PTPRD: variants seen among roughly 807,000 people sequenced by gnomAD.
PTPRD encodes the protein receptor-type tyrosine-protein phosphatase delta.
PTPRD carries 34 observed loss-of-function variants against 214.5 expected under a neutral mutation model. That is an observed-to-expected ratio of 0.16 (90% CI 0.12 to 0.21). The LOEUF (loss-of-function observed/expected upper bound fraction) is 0.21. Ranked by LOEUF, PTPRD falls within the 10% of genes least tolerant of loss-of-function variation. The pLI, the probability that PTPRD is intolerant of heterozygous loss-of-function variation, is 1.00. For missense variants in PTPRD, 2,545 were observed against 2,398.7 expected (o/e 1.06, Z -1.27); for synonymous variants, 1,128 against 845.7 (o/e 1.33, Z -5.79).
At chr9:9,893,927 C>G (rs1273046788) in intron 5 of PTPRD, among the ~76,000 whole-genome samples, 1 of 152,032 alleles carries the variant, frequency 6.6e-6, no homozygotes, top group African/African-American at 2.4e-5. Flanking sequence ...ATCCTCCTGT[C>G]TCAACCTTTT....
At chr9:9,840,384 G>GT (rs1204842025) in intron 5 of PTPRD, among the ~76,000 whole-genome samples, 6 of 150,528 alleles carry the variant, frequency 4.0e-5, no homozygotes, top group African/African-American at 1.5e-4. Flanking sequence ...AATAGACTTT[G>GT]TTTTTTTCCA....
chr9:8,400,360 G>C (rs760652739), intron 36 of PTPRD, among the ~76,000 whole-genome samples: 6 of 152,132 alleles, frequency 3.9e-5, no homozygotes, highest in Non-Finnish European at 8.8e-5. Context: ...TTATCATTAG[G>C]TTTACATGTA....
chr9:9,423,958 G>C (rs1170964367), intron 8 of PTPRD, among the ~76,000 whole-genome samples: 2 of 152,162 alleles, frequency 1.3e-5, no homozygotes, highest in Admixed American at 1.3e-4. Context: ...ACCACTCCAA[G>C]ATTAAGGCAG....
intron 3 of PTPRD, among the ~76,000 whole-genome samples, chr9:10,277,578 A>C (rs13302599): frequency 6.6e-6 from 1 of 151,994 alleles, no homozygotes; most frequent in Non-Finnish European, 1.5e-5. Context: ...TGATATAGAA[A>C]ATTCAATAAA....
At chr9:9,648,014 T>C (rs1361130551) in intron 7 of PTPRD, among the ~76,000 whole-genome samples, 2 of 152,142 alleles carry the variant, frequency 1.3e-5, no homozygotes, top group African/African-American at 4.8e-5. Flanking sequence ...TTAAACATAG[T>C]GATCTTTTAT....
At chr9:10,182,916 A>T (rs2099308654) in intron 3 of PTPRD, among the ~76,000 whole-genome samples, 1 of 152,196 alleles carries the variant, frequency 6.6e-6, no homozygotes, top group Non-Finnish European at 1.5e-5. Flanking sequence ...CATGTACTTG[A>T]TCAGAAACAG....
intron 11 of PTPRD, among the ~76,000 whole-genome samples, chr9:8,801,994 G>A (rs2096581390): frequency 6.6e-6 from 1 of 152,104 alleles, no homozygotes; most frequent in Non-Finnish European, 1.5e-5. Context: ...TGAGGTAAGG[G>A]TAAAGATTTT....
chr9:9,714,833 G>A (rs1366651842), intron 7 of PTPRD, among the ~76,000 whole-genome samples: 2 of 152,110 alleles, frequency 1.3e-5, no homozygotes, highest in African/African-American at 4.8e-5. Flanking sequence ...CAGGGTAGAT[G>A]CTCAATATTC....
intron 9 of PTPRD, among the ~76,000 whole-genome samples, chr9:9,245,230 G>A (rs575343455): frequency 7.2e-5 from 11 of 152,250 alleles, no homozygotes; most frequent in African/African-American, 2.2e-4. Context: ...ACAGTATGGC[G>A]ATTCCTCGGG....
chr9:8,457,151 T>C (rs945913355), intron 33 of PTPRD, among the ~76,000 whole-genome samples: 1 of 152,108 alleles, frequency 6.6e-6, no homozygotes, highest in Non-Finnish European at 1.5e-5. Context: ...AATTATCTGG[T>C]CCACCCACTA....
chr9:10,292,536 G>C (rs530435893), intron 3 of PTPRD, among the ~76,000 whole-genome samples: 1 of 151,998 alleles, frequency 6.6e-6, no homozygotes, highest in Non-Finnish European at 1.5e-5. Context: ...CACAAGCTAA[G>C]TTCAGAAGAC....
intron 21 of PTPRD, among the ~76,000 whole-genome samples, chr9:8,516,320 T>C (rs542233086): frequency 2.0e-5 from 3 of 152,270 alleles, no homozygotes; most frequent in South Asian, 2.1e-4. Context: ...GATATATGGA[T>C]AGTTTTTAAT....
In PTPRD at chr9:10,089,108, G is replaced by C. The variant is rs994070286; in HGVS notation, c.-544-55318C>G. Among the ~76,000 whole-genome samples the C allele has an allele frequency of 6.9e-4, 105 of 151,618 alleles. 1 individual carries two copies. The highest frequency in any genetic ancestry group is 2.4e-3 in the African/African-American group (100 of 41,398). On this transcript the variant is annotated intron_variant, in intron 3 of 45. Transcript: ENST00000381196. The stretch of plus-strand genomic sequence containing the variant: ...TGTAGTCCCAGCTACTTAGGAGGCT[G>C]AGGTGGAAGGATTGCTTAAGCCTAG...
intron 7 of PTPRD, among the ~76,000 whole-genome samples, chr9:9,733,305 A>C (rs2098232420): frequency 6.6e-6 from 1 of 152,206 alleles, no homozygotes; most frequent in African/African-American, 2.4e-5. Context: ...GGAGAGAGAC[A>C]AAGCATACAT....
At chr9:8,824,988 T>C (rs1294236928) in intron 11 of PTPRD, among the ~76,000 whole-genome samples, 1 of 152,202 alleles carries the variant, frequency 6.6e-6, no homozygotes, top group Non-Finnish European at 1.5e-5. Flanking sequence ...TAAGAATAAT[T>C]ATTTTTTACA....
intron 3 of PTPRD, among the ~76,000 whole-genome samples, chr9:10,115,958 T>C (rs189841578): frequency 6.6e-6 from 1 of 152,026 alleles, no homozygotes. Flanking sequence ...TATGGAAACA[T>C]GCAATACATA....
chr9:10,382,995 A>T (rs1160044919), intron 2 of PTPRD, among the ~76,000 whole-genome samples: 1 of 151,798 alleles, frequency 6.6e-6, no homozygotes, highest in African/African-American at 2.4e-5. Flanking sequence ...TGATATTTGG[A>T]TTACTACTGT....
chr9:8,362,925 G>A (rs535836464), intron 39 of PTPRD, among the ~76,000 whole-genome samples: 1 of 152,158 alleles, frequency 6.6e-6, no homozygotes, highest in Non-Finnish European at 1.5e-5. Context: ...GGAATTCAGA[G>A]TTGTTTTTAT....
intron 2 of PTPRD, among the ~76,000 whole-genome samples, chr9:10,362,044 G>T (rs1039231377): frequency 2.0e-5 from 3 of 152,092 alleles, no homozygotes; most frequent in Non-Finnish European, 2.9e-5. Flanking sequence ...TGGAGAATGG[G>T]GTCTTCTCCA....
Sources: gnomAD v4.1 joint callset for allele counts (sites outside exome capture counted in the v4.1 genomes callset) on GRCh38, gnomAD v4.1.1 for gene constraint, MANE v1.5 for transcripts, NCBI Gene and HGNC (gene_info 2026-07-23, HGNC 2026-07-21) for gene names.